The following EFL1 variants were observed in gnomAD, a reference collection of about 807,000 sequenced individuals.
EFL1 encodes the protein elongation factor-like GTPase 1.
A neutral mutation model predicts 126.7 loss-of-function variants in EFL1; 76 were observed. That is an observed-to-expected ratio of 0.60 (90% CI 0.50 to 0.73). EFL1 has a LOEUF of 0.73. EFL1 is among the 30% of genes least tolerant of loss of function. EFL1 has a pLI of 0.00. For synonymous variants in EFL1, 410 were observed against 448.4 expected (o/e 0.91, Z 1.08); for missense variants, 1,128 against 1,343.2 (o/e 0.84, Z 2.50).
intron 15 of EFL1, among the ~76,000 whole-genome samples, chr15:82,170,176 G>T (rs918462778): frequency 1.4e-5 from 2 of 145,786 alleles, no homozygotes; most frequent in Non-Finnish European, 3.0e-5. Flanking sequence ...GTGCAGTGGC[G>T]GGATCTCGGC....
At chr15:82,221,320 C>A (rs563095169) in intron 12 of EFL1, among the ~76,000 whole-genome samples, 1 of 152,138 alleles carries the variant, frequency 6.6e-6, no homozygotes, top group African/African-American at 2.4e-5. Context: ...CTCCTCTCTC[C>A]GTAAGCACTG....
Position 82,151,554 on chromosome 15 carries a change from T to C in EFL1, c.2900A>G (p.Glu967Gly). 1 of 1,614,166 alleles carries C rather than the reference T, an allele frequency of 6.2e-7. No homozygotes were observed. The highest frequency in any genetic ancestry group is 8.5e-7 in the Non-Finnish European group (1 of 1,180,024). Reference protein sequence around the residue: ...FSGQLIATMKEACRYALQVKP... With the variant: ...FSGQLIATMKGACRYALQVKP... ...CACTTGCAGTGCATAGCGACATGCT[T>C]CTTTCATGGTGGCAATTAGCTGTCC... The change falls in exon 18 of 20, where the codon GAA (glutamate) becomes GGA (glycine). Residue 967 changes from glutamate to glycine, a missense_variant. Physicochemically the swap from Glu to Gly is moderately conservative, Grantham distance 98. This residue lies in a region of EFL1 where 561 missense variants were observed against 641.7 expected (regional missense o/e 0.87). Transcript: ENST00000268206.
In EFL1 at chr15:82,152,185, G is replaced by A. The variant is rs1426202358; in HGVS notation, c.2269C>T (p.Pro757Ser). ...ATCTGGGTGACTTCTTCTGGAAGGG[G>A]CATGGCTCGAACACTGAGCGTGGCA... ...KLATLSVRAM[P>S]LPEEVTQILE... The change falls in exon 18 of 20, where the codon CCC (proline) becomes TCC (serine). Residue 757 changes from proline (P) to serine (S), a missense_variant. This residue lies in a region of EFL1 where 561 missense variants were observed against 641.7 expected (regional missense o/e 0.87). Transcript: ENST00000268206. 1.2e-6 allele frequency: 2 copies of A among 1,614,002 alleles called. No individual in the cohort carries two copies. The highest frequency in any genetic ancestry group is 2.7e-5 in the African/African-American group (2 of 74,906).
rs2073910199 is a variant in EFL1, at chr15:82,151,702, T to C, written c.2752A>G (p.Asn918Asp). The stretch of plus-strand genomic sequence containing the variant: ...TCATTTCCACCAGAACAGGTTTCAT[T>C]TTCCTCCTGTCCCTCTTTTGCCAGA... ...SDLAKEGQEE[N>D]ETCSGGNENQ... Residue 918 changes from asparagine to aspartate, a missense_variant, in exon 18 of 20, where the codon AAT becomes GAT. Physicochemically the swap from Asn to Asp is conservative, Grantham distance 23. Around this residue, in one of 6 missense-constraint regions of EFL1, gnomAD observed 561 missense variants for 641.7 expected, o/e 0.87. Coordinates refer to ENST00000268206, the MANE Select transcript of EFL1 (RefSeq NM_024580.6). 1 of 1,614,162 alleles carries C rather than the reference T, an allele frequency of 6.2e-7. No homozygotes were observed. Among genetic ancestry groups the C allele is most frequent in the East Asian group, 2.2e-5 (1 of 44,870 alleles).
intron 3 of EFL1, among the ~76,000 whole-genome samples, chr15:82,255,837 A>T (rs1200021559): frequency 6.6e-6 from 1 of 152,206 alleles, no homozygotes; most frequent in Non-Finnish European, 1.5e-5. Context: ...ACAACACATC[A>T]ACACATTGAT....
At chr15:82,245,096 C>G (rs1327496020) in intron 4 of EFL1, among the ~76,000 whole-genome samples, 1 of 152,008 alleles carries the variant, frequency 6.6e-6, no homozygotes, top group Admixed American at 6.6e-5. Flanking sequence ...AAAATTGTAC[C>G]CCAACTATAT....
rs2073626431 is a variant in EFL1, at chr15:82,130,420, T to A, written c.3316A>T (p.Ile1106Phe). The A allele has an allele frequency of 6.2e-7, 1 of 1,614,072 alleles. No individual in the cohort carries two copies. Among genetic ancestry groups the A allele is most frequent in the Non-Finnish European group, 8.5e-7 (1 of 1,180,042 alleles). Residue 1106 changes from isoleucine to phenylalanine, a missense_variant, in exon 20 of 20, where the codon ATT becomes TTT. Ile to Phe is a conservative substitution (Grantham distance 21). Coordinates refer to ENST00000268206, the MANE Select transcript of EFL1 (RefSeq NM_024580.6). The part of the protein sequence containing the change: ...KRKGLYVEEK[I>F]VEHAEKQRTL... ...CTCTGCTTTTCTGCATGCTCCACAATCTTTTCTTCCACATAAAGCCCCTTC... is the reference window on the plus strand; with the variant it reads ...CTCTGCTTTTCTGCATGCTCCACAAACTTTTCTTCCACATAAAGCCCCTTC...
At chr15:82,224,620 A>T (rs1198454798) in intron 12 of EFL1, among the ~76,000 whole-genome samples, 3 of 152,236 alleles carry the variant, frequency 2.0e-5, no homozygotes, top group African/African-American at 4.8e-5. Flanking sequence ...AACAATATCC[A>T]CAAGAGATGA....
At chr15:82,144,261 CAA>C (rs11378860) in intron 18 of EFL1, among the ~76,000 whole-genome samples, 1 of 143,894 alleles carries the variant, frequency 6.9e-6, no homozygotes. Context: ...GTCTCCAAAA[CAA>C]AAAAAAAAAA....
chr15:82,248,956 G>T (rs533060705), intron 4 of EFL1, among the ~76,000 whole-genome samples: 1 of 152,180 alleles, frequency 6.6e-6, no homozygotes, highest in African/African-American at 2.4e-5. Context: ...TCTGACAGGT[G>T]TTAGAATAAG....
intron 17 of EFL1, among the ~76,000 whole-genome samples, chr15:82,154,301 T>C (rs190761532): frequency 6.6e-6 from 1 of 152,296 alleles, no homozygotes; most frequent in African/African-American, 2.4e-5. Context: ...TATTACTACC[T>C]TGAGATCTGG....
At chr15:82,132,330 C>T (rs1373630385) in intron 19 of EFL1, among the ~76,000 whole-genome samples, 3 of 152,038 alleles carry the variant, frequency 2.0e-5, no homozygotes, top group Non-Finnish European at 4.4e-5. Flanking sequence ...GTTGCTGGGA[C>T]ACAATGAAGT....
At chr15:82,179,135 C>T (rs1291804664) in intron 15 of EFL1, among the ~76,000 whole-genome samples, 1 of 151,980 alleles carries the variant, frequency 6.6e-6, no homozygotes, top group Non-Finnish European at 1.5e-5. Context: ...CAGAGTGAGA[C>T]CCTCTCTCTA....
intron 15 of EFL1, among the ~76,000 whole-genome samples, chr15:82,168,222 C>A (rs1456254190): frequency 6.6e-6 from 1 of 152,204 alleles, no homozygotes; most frequent in Non-Finnish European, 1.5e-5. Context: ...AGATTCTGCA[C>A]TCTTTGACTC....
In EFL1 at chr15:82,140,387, T is replaced by G. The variant is rs137988180; in HGVS notation, c.2990-1545A>C. Among the ~76,000 whole-genome samples, 5 of 152,302 alleles carry G rather than the reference T, an allele frequency of 3.3e-5. No individual in the cohort carries two copies. In the East Asian group the frequency reaches 9.6e-4, roughly 29 times the overall value. On this transcript the variant is annotated intron_variant, in intron 18 of 19. Transcript: ENST00000268206. Reference sequence around the variant, plus strand: ...TCTCTGTGGTATTTGAAGCTACTGATTAATGTCTACTCTGCCTACTGTCTC... The same window carrying G: ...TCTCTGTGGTATTTGAAGCTACTGAGTAATGTCTACTCTGCCTACTGTCTC...
intron 16 of EFL1, among the ~76,000 whole-genome samples, chr15:82,163,449 G>C (rs1262383850): frequency 6.6e-6 from 1 of 152,180 alleles, no homozygotes; most frequent in Non-Finnish European, 1.5e-5. Flanking sequence ...GCTGAGGCAG[G>C]AGAATCGCTT....
At position 82,161,266 on chromosome 15, in the gene EFL1, T is replaced by TTAC. The variant is rs202059160; in HGVS notation, c.1882+2584_1882+2586dup. Among the ~76,000 whole-genome samples the TTAC allele has an allele frequency of 5.5e-3, 835 of 152,258 alleles. 20 individuals are homozygous for TTAC. Among genetic ancestry groups the TTAC allele is most frequent in the Admixed American group, 0.043 (663 of 15,292 alleles). On this transcript the variant is annotated intron_variant, in intron 16 of 19. Transcript: ENST00000268206. ...TGTCCAGTGCCTCTCAGAGGCAGTA[T>TTAC]TACTGCAAAGTCTTTTAAGAGAGTG...
intron 15 of EFL1, among the ~76,000 whole-genome samples, chr15:82,178,057 G>A (rs531028259): frequency 1.8e-4 from 28 of 152,304 alleles, no homozygotes; most frequent in African/African-American, 5.5e-4. Flanking sequence ...GGGATTTTCA[G>A]GGGAAGCCCC....
At chr15:82,238,244 C>T in intron 7 of EFL1, 63 bp downstream of exon 7, 1 of 1,545,768 alleles carries the variant, frequency 6.5e-7, no homozygotes, top group East Asian at 2.2e-5. Flanking sequence ...AAAAGTTTCA[C>T]TAAAAACAAT....
Sources: allele counts gnomAD v4.1 joint callset (sites outside exome capture counted in the v4.1 genomes callset), GRCh38; gene constraint gnomAD v4.1.1; regional missense constraint gnomAD v4.1.1; transcripts MANE v1.5; gene names NCBI Gene and HGNC (gene_info 2026-07-23, HGNC 2026-07-21).